SF1: variants seen among roughly 807,000 people sequenced by gnomAD.
The protein encoded by SF1 is splicing factor 1, also known as branch point-binding protein.
Under a neutral mutation model 62.5 loss-of-function variants are expected in SF1, and 7 were observed. The observed-to-expected ratio is 0.11, with a 90% confidence interval of 0.06 to 0.21. The LOEUF (loss-of-function observed/expected upper bound fraction) is 0.21. Among genes scored for constraint, SF1 ranks in the 10% least tolerant of loss-of-function variants. The pLI is 1.00. For missense variants in SF1, 578 were observed against 884.0 expected (o/e 0.65, Z 4.39); for synonymous variants, 394 against 323.6 (o/e 1.22, Z -2.33).
chr11:64,776,395 C>A, intron 2 of SF1, 103 bp downstream of exon 2: 1 of 1,311,020 alleles, frequency 7.6e-7, no homozygotes, highest in East Asian at 2.3e-5. Context: ...TATCTCATCT[C>A]AAAAAAGATA....
Position 64,767,012 on chromosome 11 carries a change from T to C in SF1, c.1470A>G (p.Pro490=), listed in dbSNP as rs369316385. 8.4e-4 allele frequency: 1,145 copies of C among 1,371,084 alleles called. 18 individuals are homozygous for C. The South Asian group carries it at 9.6e-3, about 12-fold the overall frequency. 84.9% of individuals were successfully genotyped at this position (1,371,084 alleles called of 1,614,324 possible). Reference sequence around the variant, plus strand: ...GGGGAAGAGGACCAGAGGGAGGGGGTGGGGGCTGCCCACTGGGAGGCGGCG... The same window carrying C: ...GGGGAAGAGGACCAGAGGGAGGGGGCGGGGGCTGCCCACTGGGAGGCGGCG... The part of the protein sequence containing the change: ...PPPPPPSGQP[P]PPPSGPLPPW... The change falls in exon 12 of 13, where the codon CCA becomes CCG. Residue 490 remains proline, a synonymous_variant. Transcript: ENST00000377390.
intron 3 of SF1, chr11:64,773,181 T>C: frequency 7.5e-7 from 1 of 1,330,734 alleles, no homozygotes. Flanking sequence ...TCTACATGCT[T>C]ACCAATTGGA....
rs775527594 is a variant in SF1, at chr11:64,767,062, G to A, written c.1420C>T (p.Pro474Ser). The change falls in exon 12 of 13, where the codon CCT becomes TCT. Residue 474 changes from proline (P) to serine (S), a missense_variant. This residue lies in a region of SF1 where 410 missense variants were observed against 452.4 expected (regional missense o/e 0.91). Coordinates refer to ENST00000377390, the MANE Select transcript of SF1 (RefSeq NM_004630.4). ...HQGKGMMPPP[P>S]MGMMPPPPPP... ...GGCGGCGGCGGCATCATGCCCATAG[G>A]TGGTGGCGGCATCATACCTGTGGAC... is the stretch of plus-strand genomic sequence containing the variant. 17 of 1,584,118 alleles carry A rather than the reference G, an allele frequency of 1.1e-5. No homozygotes were observed. Among genetic ancestry groups the A allele is most frequent in the African/African-American group, 1.4e-5 (1 of 73,986 alleles).
intron 3 of SF1, chr11:64,773,087 G>A (rs948607156): frequency 3.5e-6 from 4 of 1,146,076 alleles, no homozygotes; most frequent in Non-Finnish European, 4.3e-6. Flanking sequence ...TCTATGCCCT[G>A]GGCTTTTGGC....
chr11:64,778,244 G>A (rs1400908614), intron 1 of SF1, 118 bp downstream of exon 1: 4 of 1,199,842 alleles, frequency 3.3e-6, no homozygotes, highest in Non-Finnish European at 4.1e-6. Flanking sequence ...CACGGGCGGG[G>A]GCGGCGGCGG....
intron 3 of SF1, chr11:64,772,496 G>A (rs2135944130): frequency 1.0e-6 from 1 of 984,714 alleles, no homozygotes; most frequent in Non-Finnish European, 1.2e-6. Context: ...ATGAGTGAGT[G>A]ACTTCTAAAG....
At chr11:64,766,306 GAGTGGAGGGGT>G in intron 12 of SF1, 151 bp from the exon 13 acceptor site, 1 of 393,846 alleles carries the variant, frequency 2.5e-6, no homozygotes, top group Non-Finnish European at 4.8e-6. Context: ...TGGTGATGGG[GAGTGGAGGGGT>G]GGGCAGGACT....
At chr11:64,777,310 A>G (rs546215714) in intron 1 of SF1, among the ~76,000 whole-genome samples, 2 of 152,234 alleles carry the variant, frequency 1.3e-5, no homozygotes, top group Admixed American at 1.3e-4. Flanking sequence ...TTTGCCACAA[A>G]AGAGTCCTTC....
At chr11:64,774,685 C>CA (rs1938870797) in intron 2 of SF1, among the ~76,000 whole-genome samples, 1 of 152,266 alleles carries the variant, frequency 6.6e-6, no homozygotes, top group Admixed American at 6.5e-5. Flanking sequence ...ACTGGCCGGG[C>CA]ACAGTGGCTC....
chr11:64,765,692 C>T lies in SF1; in HGVS notation c.*126G>A. ...TGGCCCAGCCCAGTGCGTGCACACACACACATGCGTGCACACACAATCACA... is the reference window on the plus strand; with the variant it reads ...TGGCCCAGCCCAGTGCGTGCACACATACACATGCGTGCACACACAATCACA... On this transcript the variant is annotated 3_prime_UTR_variant, in exon 13 of 13. Transcript: ENST00000377390. 6.8e-7 allele frequency: 1 copy of T among 1,465,094 alleles called. No homozygotes were observed. The highest frequency in any genetic ancestry group is 9.0e-7 in the Non-Finnish European group (1 of 1,111,070). The allele number at this position is 1,465,094 out of a possible 1,614,324, so 90.8% of individuals were successfully genotyped here. A position where few individuals can be genotyped will look rare whatever the true frequency, so the allele number is the denominator to read the frequency against.
chr11:64,773,104 A>G (rs898966245), intron 3 of SF1: 19 of 1,166,288 alleles, frequency 1.6e-5, no homozygotes, highest in South Asian at 2.0e-5. Context: ...TGGCCAAAGC[A>G]GGTACTGAAA....
intron 8 of SF1, among the ~76,000 whole-genome samples, chr11:64,768,707 T>TG (rs1392373374): frequency 6.6e-6 from 1 of 152,244 alleles, no homozygotes; most frequent in African/African-American, 2.4e-5. Flanking sequence ...GACTTGCAAC[T>TG]GGTCAGAAAT....
chr11:64,774,477 C>T (rs1938829476), intron 2 of SF1, among the ~76,000 whole-genome samples: 1 of 152,194 alleles, frequency 6.6e-6, no homozygotes, highest in East Asian at 1.9e-4. Context: ...ACCTTCGCAG[C>T]ATCTGAGAAT....
intron 12 of SF1, 90 bp from the exon 13 acceptor site, chr11:64,766,245 C>G (rs2058658588): frequency 5.0e-6 from 2 of 400,592 alleles, no homozygotes; most frequent in African/African-American, 2.5e-5. Context: ...CGAGGGGCGC[C>G]TGCTCCTTGC....
intron 2 of SF1, 114 bp downstream of exon 2, chr11:64,776,384 G>C: frequency 8.7e-7 from 1 of 1,146,484 alleles, no homozygotes; most frequent in Non-Finnish European, 1.3e-6. Flanking sequence ...AGTCGTGAAA[G>C]TATCTCATCT....
chr11:64,767,944 C>T (rs1300173656), intron 9 of SF1, 100 bp from the exon 10 acceptor site: 2 of 1,504,950 alleles, frequency 1.3e-6, no homozygotes, highest in African/African-American at 2.8e-5. Flanking sequence ...AGAACAAGGT[C>T]TTCCCGAAGT....
Position 64,765,959 on chromosome 11 carries a change from G to A in SF1, c.1779C>T (p.Ala593=), listed in dbSNP as rs755621701. ...PPPPPPPPGS[A]GMMYAPPPPP... Reference sequence around the variant, plus strand: ...GAGGGGGCGGGGCATACATCATGCCGGCGGAACCAGGCGGTGGAGGCGGCG... The same window carrying A: ...GAGGGGGCGGGGCATACATCATGCCAGCGGAACCAGGCGGTGGAGGCGGCG... Residue 593 remains alanine, a synonymous_variant, in exon 13 of 13, where the codon GCC becomes GCT. Transcript: ENST00000377390. The A allele has an allele frequency of 3.8e-5, 61 of 1,588,394 alleles. 1 individual carries two copies. The highest frequency in any genetic ancestry group is 1.8e-4 in the African/African-American group (13 of 74,058).
In SF1 at chr11:64,767,620, C is replaced by G. The variant is rs767001138; in HGVS notation, c.1293G>C (p.Pro431=). The change falls in exon 10 of 13, where the codon CCG becomes CCC. Residue 431 remains proline, a synonymous_variant. Coordinates refer to ENST00000377390, the MANE Select transcript of SF1 (RefSeq NM_004630.4). ...CAGGAGGGTGGGGGCCCTGGTTCATCGGTGGTGGTGGTGGCTGCATCCAAG... is the reference window on the plus strand; with the variant it reads ...CAGGAGGGTGGGGGCCCTGGTTCATGGGTGGTGGTGGTGGCTGCATCCAAG... ...PPPWMQPPPP[P]MNQGPHPPGH... The G allele has an allele frequency of 1.3e-5, 21 of 1,586,232 alleles. No homozygotes were observed. In the African/African-American group the frequency reaches 2.6e-4, roughly 20 times the overall value.
In SF1 at chr11:64,766,951, G is replaced by T; in HGVS notation, c.1531C>A (p.Pro511Thr). 2 of 1,497,550 alleles carry T rather than the reference G, an allele frequency of 1.3e-6. No individual in the cohort carries two copies. The highest frequency in any genetic ancestry group is 1.8e-6 in the Non-Finnish European group (2 of 1,123,524). The allele number at this position is 1,497,550 out of a possible 1,614,324, so 92.8% of individuals were successfully genotyped here. ...GAAGCCATACTGCTGCTGGGCGGAG[G>T]GGGTGGCGGAGGCTGCTGCTGCTGT... The part of the protein sequence containing the change: ...QQQQQQPPPP[P>T]PPSSSMASST... Residue 511 changes from proline to threonine, a missense_variant, in exon 12 of 13, where the codon CCT (proline) becomes ACT (threonine). Pro to Thr is a conservative substitution (Grantham distance 38). Coordinates refer to ENST00000377390, the MANE Select transcript of SF1 (RefSeq NM_004630.4).
Sources: gnomAD v4.1 joint callset for allele counts (sites outside exome capture counted in the v4.1 genomes callset) on GRCh38, gnomAD v4.1.1 for gene constraint, gnomAD v4.1.1 regional missense constraint, MANE v1.5 for transcripts, NCBI Gene and HGNC (gene_info 2026-07-23, HGNC 2026-07-21) for gene names.